Variants in SNX19 observed in about 807,000 individuals in gnomAD.
The protein encoded by SNX19 is sorting nexin 19.
SNX19 carries 60 observed loss-of-function variants against 85.2 expected under a neutral mutation model. The ratio of observed to expected loss-of-function variants is 0.70; its 90% CI spans 0.57 to 0.87. The LOEUF (loss-of-function observed/expected upper bound fraction) is 0.87. Ranked by LOEUF, SNX19 falls within the 40% of genes least tolerant of loss-of-function variation. The pLI, the probability that SNX19 is intolerant of heterozygous loss-of-function variation, is 0.00. For synonymous variants in SNX19, 520 were observed against 470.0 expected, an observed-to-expected ratio of 1.11 and a Z score of -1.38; for missense variants, 1,201 against 1,217.8, an observed-to-expected ratio of 0.99 and a Z score of 0.21.
chr11:130,915,415 G>A lies in SNX19; in HGVS notation c.525C>T (p.Ala175=), dbSNP rs776152497. ...CAACTGGACCATTCTTCCCTGCAGT[G>A]GCCTCCTTTGCCTGAATGTAGCTCT... ...HLQSYIQAKE[A]TAGKNGPVEP... is the part of the protein sequence containing the mutation. The change falls in exon 1 of 11, where the codon GCC becomes GCT. Residue 175 remains alanine, a synonymous_variant. Transcript: ENST00000265909. The A allele has an allele frequency of 5.0e-6, 8 of 1,613,762 alleles. No individual in the cohort carries two copies. The East Asian group carries it at 1.6e-4, about 31-fold the overall frequency.
intron 1 of SNX19, among the ~76,000 whole-genome samples, chr11:130,913,624 A>AAT (rs1946316882): frequency 6.6e-6 from 1 of 152,200 alleles, no homozygotes; most frequent in Non-Finnish European, 1.5e-5. Context: ...AATGGGTAGG[A>AAT]TCTTGTCCAA....
Position 130,910,014 on chromosome 11 carries a change from G to T in SNX19, c.2034+4C>A, listed in dbSNP as rs754712127. 1 of 1,612,754 alleles carries T rather than the reference G, an allele frequency of 6.2e-7. No individual in the cohort carries two copies. The highest frequency in any genetic ancestry group is 8.5e-7 in the Non-Finnish European group (1 of 1,180,018). On this transcript the variant is annotated splice_donor_region_variant and intron_variant, in intron 4 of 10. Coordinates refer to ENST00000265909, the MANE Select transcript of SNX19 (RefSeq NM_014758.3). ...AAAGCTGAGCACAGTGGCCCTGCTG[G>T]TACCTTGTCTATTCTAGAGACCATA...
chr11:130,907,910 T>C (rs1163176107), intron 5 of SNX19, 43 bp downstream of exon 5: 1 of 1,608,388 alleles, frequency 6.2e-7, no homozygotes, highest in Non-Finnish European at 8.5e-7. Flanking sequence ...GGGATCAATT[T>C]GAGAACTGGG....
intron 8 of SNX19, among the ~76,000 whole-genome samples, chr11:130,896,353 T>C (rs1295908372): frequency 6.6e-6 from 1 of 152,170 alleles, no homozygotes; most frequent in African/African-American, 2.4e-5. Context: ...TAAATAGAGA[T>C]AGCTAAGAGA....
Position 130,911,636 on chromosome 11 carries a change from T to C in SNX19, c.1810A>G (p.Lys604Glu), listed in dbSNP as rs1310102710. 1.2e-6 allele frequency: 2 copies of C among 1,614,132 alleles called. No individual in the cohort carries two copies. Among genetic ancestry groups the C allele is most frequent in the Non-Finnish European group, 1.7e-6 (2 of 1,180,016 alleles). Reference protein sequence around the residue: ...EEKPDLRKFIKNVKGPKKLFP... With the variant: ...EEKPDLRKFIENVKGPKKLFP... ...AGGGGTTGGGGAAACTCCTGACTTT[T>C]GATGAACTTTCGTAGATCTGGTTTC... Residue 604 changes from lysine (K) to glutamate (E), a missense_variant, in exon 2 of 11, where the codon AAA becomes GAA. Transcript: ENST00000265909.
intron 1 of SNX19, 25 bp downstream of exon 1, chr11:130,914,241 G>T (rs1034773084): frequency 6.6e-7 from 1 of 1,511,316 alleles, no homozygotes; most frequent in Non-Finnish European, 8.9e-7. Flanking sequence ...GCCCGGGTGA[G>T]CACCCACAGC....
At chr11:130,906,544 G>C (rs1945684919) in intron 6 of SNX19, 81 bp downstream of exon 6, 3 of 985,990 alleles carry the variant, frequency 3.0e-6, no homozygotes, top group African/African-American at 1.6e-5. Flanking sequence ...TCTGACTTCA[G>C]AGAATATCTC....
intron 8 of SNX19, among the ~76,000 whole-genome samples, chr11:130,899,508 T>C (rs1945116141): frequency 6.6e-6 from 1 of 152,208 alleles, no homozygotes; most frequent in African/African-American, 2.4e-5. Context: ...TAGGGATACA[T>C]GAATGGCCTC....
intron 8 of SNX19, among the ~76,000 whole-genome samples, chr11:130,890,340 A>T (rs1417253864): frequency 6.6e-6 from 1 of 151,210 alleles, no homozygotes; most frequent in Non-Finnish European, 1.5e-5. Flanking sequence ...TATCAATGAA[A>T]CTCCTCCCTA....
Position 130,915,247 on chromosome 11 carries a change from AG to A in SNX19, c.692del (p.Thr231IlefsTer7). 1 of 1,614,252 alleles carries A rather than the reference AG, an allele frequency of 6.2e-7. No homozygotes were observed. On this transcript the variant is annotated frameshift_variant, in exon 1 of 11. Coordinates refer to ENST00000265909, the MANE Select transcript of SNX19 (RefSeq NM_014758.3). LOFTEE classifies it high-confidence loss of function. The part of the protein sequence containing the change: ...QGLVPKPHLE[T>X]RTGRHVVVEL... The stretch of plus-strand genomic sequence containing the variant: ...CGACCACTACATGGCGTCCGGTACG[AG>A]TCTCCAAGTGGGGCTTGGGCACCAG...
intron 8 of SNX19, among the ~76,000 whole-genome samples, chr11:130,900,426 G>A (rs1298003283): frequency 2.0e-5 from 3 of 152,188 alleles, no homozygotes; most frequent in African/African-American, 7.2e-5. Flanking sequence ...CTGCCACGCA[G>A]CTGGAGCTTG....
intron 8 of SNX19, among the ~76,000 whole-genome samples, chr11:130,886,737 T>C (rs1893018): frequency 0.44 from 66,396 of 152,062 alleles, 14,787 homozygotes; most frequent in South Asian, 0.56. Flanking sequence ...ATAAAAGTTA[T>C]ACTTCTTTTC....
In SNX19 at chr11:130,890,390, T is replaced by C. The variant is rs183992381; in HGVS notation, c.2574-9584A>G. On this transcript the variant is annotated intron_variant, in intron 8 of 10. Coordinates refer to ENST00000265909, the MANE Select transcript of SNX19 (RefSeq NM_014758.3). ...TTCTAACTTTGGCCCCTTCAATTAA[T>C]TAATCCTCCACAGCACTATTTAAAT... 1.1e-4 allele frequency among the ~76,000 whole-genome samples: 17 copies of C among 152,296 alleles called. No homozygotes were observed. The East Asian group carries it at 3.3e-3, about 29-fold the overall frequency.
Position 130,905,934 on chromosome 11 carries a change from CAG to C in SNX19, c.2443+17_2443+18del, listed in dbSNP as rs1751962403. 5 of 1,614,192 alleles carry C rather than the reference CAG, an allele frequency of 3.1e-6. No homozygotes were observed. Among genetic ancestry groups the C allele is most frequent in the Non-Finnish European group, 4.2e-6 (5 of 1,180,030 alleles). On this transcript the variant is annotated intron_variant, in intron 7 of 10. Transcript: ENST00000265909. ...ACCCTGGCTCCCTTCTCCATGGGAGCAGAGACCTCGCCACTCACCTGGATCGC... is the reference window on the plus strand; with the variant it reads ...ACCCTGGCTCCCTTCTCCATGGGAGCAGACCTCGCCACTCACCTGGATCGC...
At position 130,867,070 on chromosome 11, in the gene SNX19, T is replaced by C. The variant is rs112694379; in HGVS notation, c.*11352A>G. ...CTACTGACAGAGCTGGAATTCTGCC[T>C]GGTTGGTTGTCGGCATAACCCATGT... On this transcript the variant is annotated 3_prime_UTR_variant, in exon 11 of 11. Transcript: ENST00000265909. The C allele has an allele frequency of 1.1e-4, 17 of 152,236 alleles. No individual in the cohort carries two copies. Among genetic ancestry groups the C allele is most frequent in the African/African-American group, 4.1e-4 (17 of 41,460 alleles). 9.4% of individuals were successfully genotyped at this position (152,236 alleles called of 1,614,324 possible). A position where few individuals can be genotyped will look rare whatever the true frequency, so the allele number is the denominator to read the frequency against.
intron 1 of SNX19, among the ~76,000 whole-genome samples, chr11:130,913,364 T>C (rs987223796): frequency 2.0e-5 from 3 of 152,244 alleles, no homozygotes; most frequent in African/African-American, 7.2e-5. Context: ...AATTTGCCTA[T>C]AATGAGTGTG....
rs902113225 is a variant in SNX19, at chr11:130,875,237, G to A, written c.*3185C>T. Among the ~76,000 whole-genome samples, 4 of 152,216 alleles carry A rather than the reference G, an allele frequency of 2.6e-5. No individual in the cohort carries two copies. Among genetic ancestry groups the A allele is most frequent in the African/African-American group, 9.6e-5 (4 of 41,456 alleles). On this transcript the variant is annotated 3_prime_UTR_variant, in exon 11 of 11. Coordinates refer to ENST00000265909, the MANE Select transcript of SNX19 (RefSeq NM_014758.3). ...ATGAACCTGGAGGACATTATGCTAA[G>A]TGAAATAAGCCAGTCAAAGGACAAA...
intron 8 of SNX19, among the ~76,000 whole-genome samples, chr11:130,902,722 G>A (rs1945341931): frequency 6.6e-6 from 1 of 152,208 alleles, no homozygotes; most frequent in South Asian, 2.1e-4. Flanking sequence ...ACAAAGACTG[G>A]ATTAGAAAAG....
At chr11:130,894,445 CTAAG>C (rs1453727625) in intron 8 of SNX19, among the ~76,000 whole-genome samples, 2 of 152,200 alleles carry the variant, frequency 1.3e-5, no homozygotes, top group African/African-American at 4.8e-5. Context: ...GTCACTGGCA[CTAAG>C]GAGTAGGCAG....
Sources: allele counts gnomAD v4.1 joint callset (sites outside exome capture counted in the v4.1 genomes callset), GRCh38; gene constraint gnomAD v4.1.1; transcripts MANE v1.5; gene names NCBI Gene and HGNC (gene_info 2026-07-23, HGNC 2026-07-21).